The following TMEM132D variants were observed in gnomAD, a reference collection of about 807,000 sequenced individuals.
TMEM132D encodes transmembrane protein 132D, also known as mature OL transmembrane protein.
In TMEM132D, 21 loss-of-function variants were observed where a neutral mutation model predicts 62.3. The observed-to-expected ratio is 0.34, with a 90% CI of 0.24 to 0.49. The LOEUF is 0.49. Among genes scored for constraint, TMEM132D ranks in the 20% least tolerant of loss-of-function variants. TMEM132D has a pLI of 0.99. For missense variants in TMEM132D, 1,346 were observed against 1,402.8 expected (o/e 0.96, Z 0.65); for synonymous variants, 621 against 575.6 (o/e 1.08, Z -1.13).
intron 2 of TMEM132D, chr12:129,698,090 CACCA>C (rs1881249760): frequency 6.6e-6 from 1 of 152,116 alleles, no homozygotes; most frequent in African/African-American, 2.4e-5. Context: ...TTGTTTCCAC[CACCA>C]AAATATTTCT....
intron 5 of TMEM132D, among the ~76,000 whole-genome samples, chr12:129,125,531 G>T (rs936149163): frequency 2.8e-5 from 4 of 141,400 alleles, no homozygotes; most frequent in East Asian, 2.1e-4. Context: ...TTGAGACAGG[G>T]TCTCGCTCTG....
chr12:129,269,479 T>C (rs557562061), intron 4 of TMEM132D, among the ~76,000 whole-genome samples: 1 of 152,268 alleles, frequency 6.6e-6, no homozygotes, highest in South Asian at 2.1e-4. Flanking sequence ...TTGCTAGCCC[T>C]GTCTCAACAC....
intron 5 of TMEM132D, among the ~76,000 whole-genome samples, chr12:129,094,481 G>T (rs550875943): frequency 1.3e-5 from 2 of 152,164 alleles, no homozygotes; most frequent in African/African-American, 4.8e-5. Flanking sequence ...ACCACAATGC[G>T]ATACCATCTT....
At chr12:129,599,949 C>A (rs1445097116) in intron 2 of TMEM132D, among the ~76,000 whole-genome samples, 1 of 152,156 alleles carries the variant, frequency 6.6e-6, no homozygotes, top group Non-Finnish European at 1.5e-5. Context: ...TTGGGGACTG[C>A]TGAAGGTTGG....
intron 5 of TMEM132D, among the ~76,000 whole-genome samples, chr12:129,144,309 T>C (rs985730855): frequency 6.6e-6 from 1 of 152,174 alleles, no homozygotes; most frequent in African/African-American, 2.4e-5. Flanking sequence ...ATCCAGACCC[T>C]TGTGCATTTC....
Position 129,155,193 on chromosome 12 carries a change from T to C in TMEM132D, c.1443+54327A>G, listed in dbSNP as rs529114401. 4.0e-3 allele frequency among the ~76,000 whole-genome samples: 606 copies of C among 152,360 alleles called. 3 individuals are homozygous for C. Among genetic ancestry groups the C allele is most frequent in the Middle Eastern group, 6.8e-3 (2 of 294 alleles). ...GCCATCTGATAAAGGAACTCACTAA[T>C]ACCATATTGCACTTTCTCTGCAAGC... On this transcript the variant is annotated intron_variant, in intron 5 of 8. Coordinates refer to ENST00000422113, the MANE Select transcript of TMEM132D (RefSeq NM_133448.3).
chr12:129,823,984 C>T (rs79004033), intron 1 of TMEM132D, among the ~76,000 whole-genome samples: 6,170 of 152,142 alleles, frequency 0.041, 153 homozygotes, highest in East Asian at 0.13. Flanking sequence ...TAGGAAAGTG[C>T]TTCTCATCGG....
rs11060262 is a variant in TMEM132D, at chr12:129,342,174, T to C, written c.1116-4357A>G. 9.2e-3 allele frequency among the ~76,000 whole-genome samples: 1,396 copies of C among 152,250 alleles called. 16 individuals are homozygous for C. Among genetic ancestry groups the C allele is most frequent in the Admixed American group, 0.043 (661 of 15,298 alleles). ...GGCATCACGCTACCTGACTTCAAACTATACTACAAGGCTATGGTAACCAAA... is the reference window on the plus strand; with the variant it reads ...GGCATCACGCTACCTGACTTCAAACCATACTACAAGGCTATGGTAACCAAA... On this transcript the variant is annotated intron_variant, in intron 3 of 8. Coordinates refer to ENST00000422113, the MANE Select transcript of TMEM132D (RefSeq NM_133448.3).
chr12:129,751,865 T>G (rs748135413), intron 1 of TMEM132D, among the ~76,000 whole-genome samples: 13 of 152,318 alleles, frequency 8.5e-5, no homozygotes, highest in Non-Finnish European at 1.9e-4. Flanking sequence ...AAGCTGATAT[T>G]AGTACAATCT....
intron 5 of TMEM132D, among the ~76,000 whole-genome samples, chr12:129,156,032 A>G (rs146217563): frequency 6.6e-6 from 1 of 151,040 alleles, no homozygotes; most frequent in African/African-American, 2.4e-5. Flanking sequence ...TAACCAAACC[A>G]CTCCCGTGAT....
intron 1 of TMEM132D, among the ~76,000 whole-genome samples, chr12:129,898,373 A>C (rs1469179511): frequency 6.6e-6 from 1 of 152,212 alleles, no homozygotes; most frequent in Non-Finnish European, 1.5e-5. Context: ...AAGAACTTAA[A>C]ATTTAGGAGA....
intron 2 of TMEM132D, among the ~76,000 whole-genome samples, chr12:129,593,846 A>ATTT (rs869277760): frequency 1.5e-5 from 2 of 132,366 alleles, no homozygotes; most frequent in Admixed American, 7.6e-5. Flanking sequence ...ATTTTTTTTA[A>ATTT]AATGTCAAAT....
intron 2 of TMEM132D, among the ~76,000 whole-genome samples, chr12:129,599,074 C>T (rs1878420943): frequency 6.6e-6 from 1 of 152,080 alleles, no homozygotes; most frequent in Non-Finnish European, 1.5e-5. Flanking sequence ...TTCTGGCAGC[C>T]AAATTTCCAT....
chr12:129,082,700 C>G (rs1349172025), intron 6 of TMEM132D, among the ~76,000 whole-genome samples: 1 of 152,194 alleles, frequency 6.6e-6, no homozygotes, highest in African/African-American at 2.4e-5. Flanking sequence ...GCCTGGATTC[C>G]AGATCCACAG....
At chr12:129,832,530 G>T (rs925660171) in intron 1 of TMEM132D, among the ~76,000 whole-genome samples, 2 of 152,014 alleles carry the variant, frequency 1.3e-5, no homozygotes, top group African/African-American at 4.8e-5. Context: ...TGACATCCTC[G>T]CAGCTTCCCC....
intron 1 of TMEM132D, among the ~76,000 whole-genome samples, chr12:129,732,122 C>T (rs969454563): frequency 7.2e-5 from 11 of 152,156 alleles, no homozygotes; most frequent in African/African-American, 2.4e-4. Context: ...CAAAATGGCA[C>T]CTGCTGTCTG....
intron 2 of TMEM132D, among the ~76,000 whole-genome samples, chr12:129,676,236 G>C (rs560158653): frequency 6.6e-6 from 1 of 152,304 alleles, no homozygotes; most frequent in Admixed American, 6.5e-5. Flanking sequence ...TGCTACTTGA[G>C]ATGTAGTAGT....
intron 1 of TMEM132D, among the ~76,000 whole-genome samples, chr12:129,809,586 T>C (rs190952152): frequency 6.6e-6 from 1 of 152,294 alleles, no homozygotes; most frequent in East Asian, 1.9e-4. Flanking sequence ...TCCTCAACAT[T>C]ATCAAGTCCT....
chr12:129,396,242 T>C (rs1871426299), intron 3 of TMEM132D, among the ~76,000 whole-genome samples: 1 of 152,004 alleles, frequency 6.6e-6, no homozygotes, highest in Non-Finnish European at 1.5e-5. Context: ...AAGTGCCCAA[T>C]GGAACAGCGG....
Sources: allele counts gnomAD v4.1 joint callset (sites outside exome capture counted in the v4.1 genomes callset), GRCh38; gene constraint gnomAD v4.1.1; transcripts MANE v1.5; gene names NCBI Gene and HGNC (gene_info 2026-07-23, HGNC 2026-07-21).